CIP2A: variants seen among roughly 807,000 people sequenced by gnomAD.
CIP2A encodes the protein cellular inhibitor of PP2A.
In CIP2A, 103 loss-of-function variants were observed where a neutral mutation model predicts 110.9. The observed-to-expected ratio is 0.93, with a 90% CI of 0.79 to 1.09. The LOEUF (loss-of-function observed/expected upper bound fraction) is 1.09, where lower values mean the gene tolerates loss of function less well. Among genes scored for constraint, CIP2A ranks in the 50% least tolerant of loss-of-function variants. The pLI, the probability that CIP2A is intolerant of heterozygous loss-of-function variation, is 0.00. For synonymous variants in CIP2A, 381 were observed against 361.6 expected (o/e 1.05, Z -0.61); for missense variants, 1,088 against 1,038.4 (o/e 1.05, Z -0.66).
intron 8 of CIP2A, among the ~76,000 whole-genome samples, chr3:108,572,231 G>C (rs1434290769): frequency 6.6e-6 from 1 of 151,846 alleles, no homozygotes; most frequent in Non-Finnish European, 1.5e-5. Flanking sequence ...TGTATAGTTA[G>C]TGCTTTTGTT....
chr3:108,585,230 A>T lies in CIP2A; in HGVS notation c.103-18T>A. On this transcript the variant is annotated intron_variant, in intron 1 of 20. Transcript: ENST00000295746. ...GAAATTACCTATAAAATAGTAATCAAAATGTGTTGGTTAAGCGATGGCAAT... is the reference window on the plus strand; with the variant it reads ...GAAATTACCTATAAAATAGTAATCATAATGTGTTGGTTAAGCGATGGCAAT... 1 of 1,586,980 alleles carries T rather than the reference A, an allele frequency of 6.3e-7. No individual in the cohort carries two copies. Among genetic ancestry groups the T allele is most frequent in the Non-Finnish European group, 8.6e-7 (1 of 1,164,088 alleles).
At chr3:108,570,231 A>ATT (rs1023907417) in intron 8 of CIP2A, among the ~76,000 whole-genome samples, 1 of 151,650 alleles carries the variant, frequency 6.6e-6, no homozygotes, top group Non-Finnish European at 1.5e-5. Flanking sequence ...AAAAAAAAAA[A>ATT]TTTCTTAAGA....
In CIP2A at chr3:108,559,836, T is replaced by A; in HGVS notation, c.1934A>T (p.Glu645Val). 6.2e-7 allele frequency: 1 copy of A among 1,607,482 alleles called. No homozygotes were observed. Among genetic ancestry groups the A allele is most frequent in the Non-Finnish European group, 8.5e-7 (1 of 1,175,264 alleles). The change falls in exon 16 of 21, where the codon GAA becomes GTA. Residue 645 changes from glutamate to valine, a missense_variant. Coordinates refer to ENST00000295746, the MANE Select transcript of CIP2A (RefSeq NM_020890.3). ...CTGTGCAAGGGCTAGAGCTTTTGTTTCCAAAAGATCTTGTAGCCTGCTTTC... is the reference window on the plus strand; with the variant it reads ...CTGTGCAAGGGCTAGAGCTTTTGTTACCAAAAGATCTTGTAGCCTGCTTTC... ...SKESRLQDLL[E>V]TKALALAQAD...
intron 2 of CIP2A, among the ~76,000 whole-genome samples, chr3:108,584,454 C>T (rs1448418126): frequency 1.3e-5 from 2 of 152,046 alleles, no homozygotes; most frequent in African/African-American, 2.4e-5. Context: ...ACAGGCTCAC[C>T]CCATTTTACT....
chr3:108,585,293 C>T, intron 1 of CIP2A, 81 bp from the exon 2 acceptor site: 1 of 1,311,344 alleles, frequency 7.6e-7, no homozygotes, highest in South Asian at 1.5e-5. Context: ...AAACTCAGTT[C>T]CCTCAAAGTG....
intron 14 of CIP2A, among the ~76,000 whole-genome samples, chr3:108,560,368 T>G (rs1334414709): frequency 1.3e-5 from 2 of 152,140 alleles, no homozygotes; most frequent in Non-Finnish European, 2.9e-5. Context: ...AGACGGGGTT[T>G]CGCCATATTG....
chr3:108,577,756 G>A (rs910713652), intron 7 of CIP2A, among the ~76,000 whole-genome samples: 4 of 152,026 alleles, frequency 2.6e-5, no homozygotes, highest in African/African-American at 4.8e-5. Context: ...AAAATTAGCT[G>A]GGCGTGGTGA....
intron 13 of CIP2A, among the ~76,000 whole-genome samples, chr3:108,561,715 T>C (rs1938013134): frequency 6.6e-6 from 1 of 152,054 alleles, no homozygotes; most frequent in Admixed American, 6.6e-5. Flanking sequence ...TACCTACCAA[T>C]GCATCCATAA....
At chr3:108,568,377 C>A (rs1576306818) in intron 9 of CIP2A, 63 bp from the exon 10 acceptor site, 1 of 1,376,862 alleles carries the variant, frequency 7.3e-7, no homozygotes, top group South Asian at 1.3e-5. Flanking sequence ...CAGAAAAAGT[C>A]ATCACTGAAT....
chr3:108,584,166 T>G lies in CIP2A; in HGVS notation c.250+899A>C, dbSNP rs771463065. 9.9e-5 allele frequency among the ~76,000 whole-genome samples: 15 copies of G among 152,168 alleles called. 1 individual carries two copies. The South Asian group carries it at 1.2e-3, about 13-fold the overall frequency. On this transcript the variant is annotated intron_variant, in intron 2 of 20. Coordinates refer to ENST00000295746, the MANE Select transcript of CIP2A (RefSeq NM_020890.3). ...ATGTTCACTGCACTATTGATTCCAA[T>G]AGCAAAAACTTAAAGACAGTTGACT...
intron 7 of CIP2A, among the ~76,000 whole-genome samples, chr3:108,577,324 G>A (rs2603136): frequency 0.98 from 149,599 of 152,252 alleles, 73,553 homozygotes; most frequent in East Asian, 1. Context: ...GAGCATATTT[G>A]TAAGTTAAAG....
At chr3:108,575,447 CATATACAT>C (rs962994520) in intron 8 of CIP2A, among the ~76,000 whole-genome samples, 2 of 148,348 alleles carry the variant, frequency 1.3e-5, no homozygotes, top group African/African-American at 4.9e-5. Context: ...TACATATATA[CATATACAT>C]GTATACATGT....
Position 108,557,403 on chromosome 3 carries a change from A to C in CIP2A, c.2025T>G (p.Leu675=). 6.3e-7 allele frequency: 1 copy of C among 1,595,458 alleles called. No homozygotes were observed. The highest frequency in any genetic ancestry group is 8.5e-7 in the Non-Finnish European group (1 of 1,169,616). ...RTQAETEART[L]ASMLREVERK... ...TCTCAACTTCTCTCAACATACTAGC[A>C]AGTGTCCGTGCCTCAAAAAAAAAAA... Residue 675 remains leucine (L), a synonymous_variant, in exon 17 of 21, where the codon CTT becomes CTG. Coordinates refer to ENST00000295746, the MANE Select transcript of CIP2A (RefSeq NM_020890.3).
At chr3:108,552,835 T>C (rs920423117) in intron 19 of CIP2A, among the ~76,000 whole-genome samples, 1 of 152,150 alleles carries the variant, frequency 6.6e-6, no homozygotes, top group African/African-American at 2.4e-5. Flanking sequence ...GAAAACCAAA[T>C]ACTCCAAGTT....
chr3:108,553,455 A>C (rs1386240178), intron 19 of CIP2A, among the ~76,000 whole-genome samples, 193 bp downstream of exon 19: 3 of 151,990 alleles, frequency 2.0e-5, no homozygotes, highest in Non-Finnish European at 4.4e-5. Context: ...AAATTTAAAA[A>C]ACGTACCACT....
intron 7 of CIP2A, among the ~76,000 whole-genome samples, chr3:108,578,305 G>A (rs1177306646): frequency 6.6e-6 from 1 of 152,166 alleles, no homozygotes; most frequent in Admixed American, 6.5e-5. Context: ...AGATATACAT[G>A]GATATTGGGA....
At chr3:108,584,429 C>T (rs1938981251) in intron 2 of CIP2A, among the ~76,000 whole-genome samples, 1 of 152,150 alleles carries the variant, frequency 6.6e-6, no homozygotes, top group Non-Finnish European at 1.5e-5. Flanking sequence ...AAGATGAGGG[C>T]TGGTGGTAAT....
At chr3:108,575,083 C>T (rs1938526309) in intron 8 of CIP2A, 1 of 151,994 alleles carries the variant, frequency 6.6e-6, no homozygotes, top group South Asian at 2.1e-4. Context: ...CTGTAATGTC[C>T]CCTTATTCAT....
At chr3:108,582,242 A>G in intron 3 of CIP2A, 40 bp from the exon 4 acceptor site, 2 of 844,920 alleles carry the variant, frequency 2.4e-6, no homozygotes, top group Non-Finnish European at 3.7e-6. Context: ...AAGATATAAA[A>G]ACATTGCCTG....
Sources: allele counts gnomAD v4.1 joint callset (sites outside exome capture counted in the v4.1 genomes callset), GRCh38; gene constraint gnomAD v4.1.1; transcripts MANE v1.5; gene names NCBI Gene and HGNC (gene_info 2026-07-23, HGNC 2026-07-21).